PLPP2: variants seen among roughly 807,000 people sequenced by gnomAD.
The protein encoded by PLPP2 is phospholipid phosphatase 2.
A neutral mutation model predicts 35.2 loss-of-function variants in PLPP2; 29 were observed. That is an observed-to-expected ratio of 0.82 (90% CI 0.61 to 1.12). PLPP2 has a LOEUF of 1.12. Ranked by LOEUF, PLPP2 falls within the 50% of genes most tolerant of loss-of-function variation. The pLI, the probability that PLPP2 is intolerant of heterozygous loss-of-function variation, is 0.00. For synonymous variants in PLPP2, 162 were observed against 167.0 expected (o/e 0.97, Z 0.23); for missense variants, 353 against 375.2 (o/e 0.94, Z 0.49).
chr19:282,605 A>G, intron 4 of PLPP2, 147 bp downstream of exon 4: 3 of 914,028 alleles, frequency 3.3e-6, no homozygotes, highest in Non-Finnish European at 5.0e-6. Context: ...TGGTCAGCCC[A>G]GGGCCTCCCG....
At chr19:282,078 G>GC (rs757860695) in intron 5 of PLPP2, 56 bp downstream of exon 5, 1 of 1,587,836 alleles carries the variant, frequency 6.3e-7, no homozygotes, top group Non-Finnish European at 8.6e-7. Flanking sequence ...CACTAGGGTT[G>GC]GCTGGGGAGT....
rs747062130 is a variant in PLPP2 at position 281,355 on chromosome 19, C to T, written c.*33G>A. The T allele has an allele frequency of 7.2e-7, 1 of 1,381,232 alleles. No individual in the cohort carries two copies. Among genetic ancestry groups the T allele is most frequent in the Admixed American group, 2.8e-5 (1 of 35,368 alleles). 85.6% of individuals were successfully genotyped at this position (1,381,232 alleles called of 1,614,324 possible). A position where few individuals can be genotyped will look rare whatever the true frequency, so the allele number is the denominator to read the frequency against. On this transcript the variant is annotated 3_prime_UTR_variant, in exon 6 of 6. Coordinates refer to ENST00000434325, the MANE Select transcript of PLPP2 (RefSeq NM_003712.4). ...CACCTGGGTGGGCCTCAGCTGGACT[C>T]ACAGCAGCTCCCTGCCTGGGCGGGG...
At position 281,376 on chromosome 19, in the gene PLPP2, C is replaced by T. The variant is rs146379924; in HGVS notation, c.*12G>A. 4.5e-3 allele frequency: 6,304 copies of T among 1,389,622 alleles called. 35 individuals carry two copies. Among genetic ancestry groups the T allele is most frequent in the Middle Eastern group, 5.4e-3 (24 of 4,432 alleles). 86.1% of individuals were successfully genotyped at this position (1,389,622 alleles called of 1,614,324 possible). On this transcript the variant is annotated 3_prime_UTR_variant, in exon 6 of 6. Transcript: ENST00000434325. ...GACTCACAGCAGCTCCCTGCCTGGGCGGGGTCCGGCCTCAGGAGGAGGAGT... is the reference window on the plus strand; with the variant it reads ...GACTCACAGCAGCTCCCTGCCTGGGTGGGGTCCGGCCTCAGGAGGAGGAGT...
At position 288,151 on chromosome 19, in the gene PLPP2, G is replaced by C. The variant is rs760785537; in HGVS notation, c.73C>G (p.Leu25Val). 6.3e-7 allele frequency: 1 copy of C among 1,594,080 alleles called. No homozygotes were observed. Among genetic ancestry groups the C allele is most frequent in the East Asian group, 2.2e-5 (1 of 44,496 alleles). The change falls in exon 2 of 6, where the codon CTG becomes GTG. Residue 25 changes from leucine (L) to valine (V), a missense_variant. Coordinates refer to ENST00000434325, the MANE Select transcript of PLPP2 (RefSeq NM_003712.4). ...LLVASLPFAI[L>V]TLVNAPYKRG... ...TTGTACGGGGCGTTCACCAGCGTCA[G>C]GATAGCGAAGGGCAGGGAGGCTGGT...
At chr19:285,611 A>C (rs1188666912) in intron 3 of PLPP2, 1 of 150,834 alleles carries the variant, frequency 6.6e-6, no homozygotes, top group African/African-American at 2.4e-5. Flanking sequence ...AAAAAAAAAA[A>C]AGAAAAGGAG....
chr19:283,907 G>A (rs1005048320), intron 3 of PLPP2: 2 of 152,032 alleles, frequency 1.3e-5, no homozygotes, highest in Non-Finnish European at 2.9e-5. Flanking sequence ...AGGAAGAAAC[G>A]GCCATACGTG....
chr19:281,364 T>G lies in PLPP2; in HGVS notation c.*24A>C. On this transcript the variant is annotated 3_prime_UTR_variant, in exon 6 of 6. Coordinates refer to ENST00000434325, the MANE Select transcript of PLPP2 (RefSeq NM_003712.4). ...GGGCCTCAGCTGGACTCACAGCAGC[T>G]CCCTGCCTGGGCGGGGTCCGGCCTC... 2 of 1,392,290 alleles carry G rather than the reference T, an allele frequency of 1.4e-6. No homozygotes were observed. The highest frequency in any genetic ancestry group is 1.9e-6 in the Non-Finnish European group (2 of 1,065,288). 86.2% of individuals were successfully genotyped at this position (1,392,290 alleles called of 1,614,324 possible).
chr19:286,657 A>G (rs908098467), intron 3 of PLPP2: 1 of 152,090 alleles, frequency 6.6e-6, no homozygotes, highest in African/African-American at 2.4e-5. Context: ...TTTAAAAAAC[A>G]TTAAAAAAAA....
intron 3 of PLPP2, chr19:284,675 T>C (rs183868432): frequency 4.6e-5 from 7 of 152,300 alleles, no homozygotes; most frequent in Middle Eastern, 3.4e-3. Flanking sequence ...ATGAGAACAA[T>C]GTCTCACCAA....
rs750202787 is a variant in PLPP2 at position 287,467 on chromosome 19, C to T, written c.482+7G>A. 10 of 1,603,964 alleles carry T rather than the reference C, an allele frequency of 6.2e-6. No individual in the cohort carries two copies. The South Asian group carries it at 1.1e-4, about 18-fold the overall frequency. On this transcript the variant is annotated splice_region_variant and intron_variant, in intron 3 of 5. Coordinates refer to ENST00000434325, the MANE Select transcript of PLPP2 (RefSeq NM_003712.4). This position sits in a 1 kb window ranked among gnomAD's most constrained non-coding sequence, Gnocchi z 4.3. ...CACAAGAGTGAAGGCTGCTGGTCCA[C>T]ACCCACCTGGCCTCGGTGACATCAG...
intron 3 of PLPP2, 92 bp from the exon 4 acceptor site, chr19:282,901 G>A (rs766276434): frequency 2.6e-5 from 31 of 1,189,206 alleles, no homozygotes; most frequent in Non-Finnish European, 3.6e-5. Context: ...GCTCGACACG[G>A]AGGCTGCTGC....
At chr19:282,699 A>G in intron 4 of PLPP2, 53 bp downstream of exon 4, 1 of 1,546,232 alleles carries the variant, frequency 6.5e-7, no homozygotes, top group Non-Finnish European at 8.9e-7. Context: ...CAGGGAAGGG[A>G]GTGATTTAGC....
Position 281,256 on chromosome 19 carries a change from C to T in PLPP2, c.*132G>A, listed in dbSNP as rs1273605326. ...GCAGGGCAGGGGGCAGCGGAGCCCG[C>T]TCACTGCTCCCATCAGCCCAGGGTT... is the stretch of plus-strand genomic sequence containing the variant. On this transcript the variant is annotated 3_prime_UTR_variant, in exon 6 of 6. Coordinates refer to ENST00000434325, the MANE Select transcript of PLPP2 (RefSeq NM_003712.4). 3.3e-6 allele frequency: 3 copies of T among 913,454 alleles called. No homozygotes were observed. The highest frequency in any genetic ancestry group is 4.4e-6 in the Non-Finnish European group (3 of 689,046). 56.6% of individuals were successfully genotyped at this position (913,454 alleles called of 1,614,324 possible).
chr19:288,448 C>A, intron 1 of PLPP2: 1 of 303,738 alleles, frequency 3.3e-6, no homozygotes, highest in Non-Finnish European at 6.0e-6. Flanking sequence ...TCTCTCTGCC[C>A]AAAATATCTT....
Position 281,204 on chromosome 19 carries a change from C to T in PLPP2, c.*184G>A. ...TCCCCTCCAAATGCTGAGGGCTACCCAGGCATCTCCAGACTCCTGGTCCAG... is the reference window on the plus strand; with the variant it reads ...TCCCCTCCAAATGCTGAGGGCTACCTAGGCATCTCCAGACTCCTGGTCCAG... On this transcript the variant is annotated 3_prime_UTR_variant, in exon 6 of 6. Transcript: ENST00000434325. 2 of 489,774 alleles carry T rather than the reference C, an allele frequency of 4.1e-6. No individual in the cohort carries two copies. Among genetic ancestry groups the T allele is most frequent in the Non-Finnish European group, 6.5e-6 (2 of 309,886 alleles). 30.3% of individuals were successfully genotyped at this position (489,774 alleles called of 1,614,324 possible).
Position 287,155 on chromosome 19 carries a change from C to A in PLPP2, c.482+319G>T. 1 of 274,960 alleles carries A rather than the reference C, an allele frequency of 3.6e-6. No homozygotes were observed. The highest frequency in any genetic ancestry group is 7.9e-5 in the East Asian group (1 of 12,714). The allele number at this position is 274,960 out of a possible 1,614,324, so 17.0% of individuals were successfully genotyped here. On this transcript the variant is annotated intron_variant, in intron 3 of 5. Coordinates refer to ENST00000434325, the MANE Select transcript of PLPP2 (RefSeq NM_003712.4). The surrounding 1 kb of genome is among the most constrained non-coding windows in gnomAD (Gnocchi z 4.3). ...ATATCAGACAAAACAGACATCAAGA[C>A]AAAAATTGTTGAGACAAAACTCATA...
Position 287,695 on chromosome 19 carries a change from G to A in PLPP2, c.261C>T (p.Asp87=). 4 of 1,613,972 alleles carry A rather than the reference G, an allele frequency of 2.5e-6. No homozygotes were observed. Among genetic ancestry groups the A allele is most frequent in the Non-Finnish European group, 3.4e-6 (4 of 1,180,030 alleles). Reference sequence around the variant, plus strand: ...ATACAGCAGCCACGTAGTTGTTGAAGTCCGAGCGAGAATAGAGCCGGTCTG... The same window carrying A: ...ATACAGCAGCCACGTAGTTGTTGAAATCCGAGCGAGAATAGAGCCGGTCTG... The part of the protein sequence containing the change: ...VYTDRLYSRS[D]FNNYVAAVYK... The change falls in exon 3 of 6, where the codon GAC becomes GAT. Residue 87 remains aspartate (D), a synonymous_variant. Transcript: ENST00000434325. This position sits in a 1 kb window ranked among gnomAD's most constrained non-coding sequence, Gnocchi z 4.3.
rs61703664 is a variant in PLPP2 at position 289,464 on chromosome 19, T to TCATGCCTGTAATCC, written c.53-1294_53-1293insGGATTACAGGCATG. Among the ~76,000 whole-genome samples the TCATGCCTGTAATCC allele has an allele frequency of 8.4e-3, 1,271 of 151,588 alleles. 16 individuals are homozygous for TCATGCCTGTAATCC. Among genetic ancestry groups the TCATGCCTGTAATCC allele is most frequent in the African/African-American group, 0.029 (1,200 of 41,310 alleles). ...GAATGGGCAGGCCCGGCGTGGTGGC[T>TCATGCCTGTAATCC]CAGCACTTTGGGAGGCCGAGGCGGG... On this transcript the variant is annotated intron_variant, in intron 1 of 5. Coordinates refer to ENST00000434325, the MANE Select transcript of PLPP2 (RefSeq NM_003712.4).
At chr19:282,700 G>A in intron 4 of PLPP2, 52 bp downstream of exon 4, 1 of 1,552,094 alleles carries the variant, frequency 6.4e-7, no homozygotes, top group Non-Finnish European at 8.9e-7. Flanking sequence ...AGGGAAGGGA[G>A]TGATTTAGCC....
Sources: allele counts gnomAD v4.1 joint callset (sites outside exome capture counted in the v4.1 genomes callset), GRCh38; gene constraint gnomAD v4.1.1; non-coding constraint Gnocchi (gnomAD v3.1); transcripts MANE v1.5; gene names NCBI Gene and HGNC (gene_info 2026-07-23, HGNC 2026-07-21).